The following FUT8 variants were observed in gnomAD, a reference collection of about 807,000 sequenced individuals.
The protein encoded by FUT8 is alpha-(1,6)-fucosyltransferase.
FUT8 carries 29 observed loss-of-function variants against 71.3 expected under a neutral mutation model. The observed-to-expected ratio is 0.41, with a 90% CI of 0.30 to 0.55. The LOEUF is 0.55. FUT8 is among the 20% of genes least tolerant of loss of function. The pLI is 0.34. For synonymous variants in FUT8, 254 were observed against 239.3 expected (o/e 1.06, Z -0.57); for missense variants, 544 against 702.1 (o/e 0.77, Z 2.55).
rs573646463 is a variant in FUT8 at position 65,467,621 on chromosome 14, C to T, written c.-228+11903C>T. ...CCTCCTGAGTAGCTGGAATTAGAGG[C>T]GCCCATCACCACGCCCAGCTAATTT... is the stretch of plus-strand genomic sequence containing the variant. On this transcript the variant is annotated intron_variant, in intron 2 of 10. Transcript: ENST00000673929. The surrounding 1 kb of genome is among the most constrained non-coding windows in gnomAD (Gnocchi z 4.1). 1.1e-4 allele frequency among the ~76,000 whole-genome samples: 17 copies of T among 152,148 alleles called. No individual in the cohort carries two copies. The East Asian group carries it at 1.7e-3, about 16-fold the overall frequency.
At chr14:65,731,744 C>T (rs759178159) in intron 9 of FUT8, among the ~76,000 whole-genome samples, 1 of 152,124 alleles carries the variant, frequency 6.6e-6, no homozygotes, top group Non-Finnish European at 1.5e-5. Flanking sequence ...GTCTGCCTGC[C>T]TCAGCCTCCC....
chr14:65,645,169 A>C (rs544391539), intron 6 of FUT8, among the ~76,000 whole-genome samples: 2 of 152,232 alleles, frequency 1.3e-5, no homozygotes, highest in Non-Finnish European at 2.9e-5. Flanking sequence ...TGGGTGTTAC[A>C]AATAAATTCT....
rs190632925 is a variant in FUT8, at chr14:65,447,837, G to A, written c.-325-7784G>A. On this transcript the variant is annotated intron_variant, in intron 1 of 10. Coordinates refer to ENST00000673929, the MANE Select transcript of FUT8 (RefSeq NM_001371533.1). ...GATATGTTATTTCTGAGATCACATA[G>A]TAAATTTCTGTTTAGAGCTGGGACT... Among the ~76,000 whole-genome samples the A allele has an allele frequency of 7.2e-5, 11 of 152,236 alleles. No individual in the cohort carries two copies. In the East Asian group the frequency reaches 2.1e-3, roughly 29 times the overall value.
At chr14:65,437,718 A>G (rs939400166) in intron 1 of FUT8, among the ~76,000 whole-genome samples, 2 of 152,114 alleles carry the variant, frequency 1.3e-5, no homozygotes, top group African/African-American at 4.8e-5. Context: ...TTTTGTTATT[A>G]CCCATAGTGA....
At chr14:65,513,528 G>T (rs891124764) in intron 2 of FUT8, among the ~76,000 whole-genome samples, 1 of 152,178 alleles carries the variant, frequency 6.6e-6, no homozygotes, top group Non-Finnish European at 1.5e-5. Context: ...ACTCATGATA[G>T]TGACCCTACA....
the FUT8 span, among the ~76,000 whole-genome samples, chr14:65,378,231 A>T: frequency 6.6e-6 from 1 of 152,062 alleles, no homozygotes; most frequent in African/African-American, 2.4e-5. Flanking sequence ...CCAAGTGGGT[A>T]TGATGATGAA....
At chr14:65,464,798 C>T (rs2066018008) in intron 2 of FUT8, among the ~76,000 whole-genome samples, 1 of 152,056 alleles carries the variant, frequency 6.6e-6, no homozygotes, top group South Asian at 2.1e-4. Flanking sequence ...ATTTTCCTTT[C>T]TTGTAAGGCT....
intron 6 of FUT8, among the ~76,000 whole-genome samples, chr14:65,634,122 G>C (rs1171274293): frequency 6.6e-6 from 1 of 152,052 alleles, no homozygotes; most frequent in Non-Finnish European, 1.5e-5. Context: ...GGAATAGAAA[G>C]GGGGGAAAGG....
chr14:65,381,728 C>T, the FUT8 span, among the ~76,000 whole-genome samples: 6 of 152,144 alleles, frequency 3.9e-5, no homozygotes, highest in African/African-American at 1.2e-4. Context: ...TGATGCCACC[C>T]ACCCCAGGCT....
chr14:65,716,748 T>C (rs1895081652), intron 7 of FUT8, among the ~76,000 whole-genome samples: 3 of 152,104 alleles, frequency 2.0e-5, no homozygotes, highest in Admixed American at 2.0e-4. Flanking sequence ...GCTGTCTCTT[T>C]GGAGCTGTTG....
chr14:65,468,016 G>A (rs1313354712), intron 2 of FUT8: 12 of 682,394 alleles, frequency 1.8e-5, no homozygotes, highest in African/African-American at 1.6e-4. Flanking sequence ...TGCTCAATAC[G>A]CACATTAATT....
At chr14:65,521,175 G>A (rs1450600487) in intron 2 of FUT8, among the ~76,000 whole-genome samples, 1 of 152,010 alleles carries the variant, frequency 6.6e-6, no homozygotes, top group African/African-American at 2.4e-5. Flanking sequence ...ATCTTATATA[G>A]TGATATTCTA....
chr14:65,716,068 T>C (rs1895042944), intron 7 of FUT8, among the ~76,000 whole-genome samples: 1 of 152,148 alleles, frequency 6.6e-6, no homozygotes, highest in South Asian at 2.1e-4. Context: ...CTTGTAATAC[T>C]ATCCATGTGC....
At chr14:65,423,283 A>G (rs1229167034) in intron 1 of FUT8, among the ~76,000 whole-genome samples, 3 of 128,942 alleles carry the variant, frequency 2.3e-5, no homozygotes, top group Non-Finnish European at 4.8e-5. Context: ...TTTTTTTGAG[A>G]TGGAGTCTGG....
rs571219867 is a variant in FUT8 at position 65,638,057 on chromosome 14, G to A, written c.597+8451G>A. On this transcript the variant is annotated intron_variant, in intron 6 of 10. Coordinates refer to ENST00000673929, the MANE Select transcript of FUT8 (RefSeq NM_001371533.1). The surrounding 1 kb of genome is among the most constrained non-coding windows in gnomAD (Gnocchi z 4.5). ...ATTTAGGTTGATTTATTGCACCTGC[G>A]CCTAAGTTGGGTCAGTCGTTTCTGA... is the stretch of plus-strand genomic sequence containing the variant. Among the ~76,000 whole-genome samples, 38 of 152,278 alleles carry A rather than the reference G, an allele frequency of 2.5e-4. No homozygotes were observed. The South Asian group carries it at 6.8e-3, about 27-fold the overall frequency.
intron 1 of FUT8, among the ~76,000 whole-genome samples, chr14:65,418,245 C>A (rs777343554): frequency 3.3e-5 from 5 of 152,098 alleles, no homozygotes; most frequent in Non-Finnish European, 7.4e-5. Context: ...TTACCTTTAA[C>A]GTATAACTAA....
Position 65,468,022 on chromosome 14 carries a change from T to C in FUT8, c.-228+12304T>C, listed in dbSNP as rs147972618. ...TGCTGAATGTGCTCAATACGCACATTAATTCTCTTGGCAAGAATCTTGCCC... is the reference window on the plus strand; with the variant it reads ...TGCTGAATGTGCTCAATACGCACATCAATTCTCTTGGCAAGAATCTTGCCC... On this transcript the variant is annotated intron_variant, in intron 2 of 10. Transcript: ENST00000673929. The C allele has an allele frequency of 1.4e-3, 928 of 681,302 alleles. 18 individuals carry two copies. The East Asian group carries it at 0.026, about 19-fold the overall frequency. The allele number at this position is 681,302 out of a possible 1,614,324, so 42.2% of individuals were successfully genotyped here.
chr14:65,456,251 A>C (rs529776792), intron 2 of FUT8, among the ~76,000 whole-genome samples: 1 of 152,208 alleles, frequency 6.6e-6, no homozygotes, highest in Non-Finnish European at 1.5e-5. Context: ...ACCTCTCCTT[A>C]TACCTCAATC....
intron 2 of FUT8, among the ~76,000 whole-genome samples, chr14:65,505,339 G>T (rs1441086518): frequency 8.2e-6 from 1 of 122,074 alleles, no homozygotes; most frequent in African/African-American, 3.2e-5. Context: ...TTGAGACAGA[G>T]TCTCGCTCTG....
Sources: gnomAD v4.1 joint callset for allele counts (sites outside exome capture counted in the v4.1 genomes callset) on GRCh38, gnomAD v4.1.1 for gene constraint, Gnocchi (gnomAD v3.1) non-coding constraint, MANE v1.5 for transcripts, NCBI Gene and HGNC (gene_info 2026-07-23, HGNC 2026-07-21) for gene names.